Variants in PPARGC1A observed in about 807,000 individuals in gnomAD.
PPARGC1A encodes peroxisome proliferator-activated receptor gamma coactivator 1-alpha.
A neutral mutation model predicts 88.7 loss-of-function variants in PPARGC1A; 25 were observed. The observed-to-expected ratio is 0.28, with a 90% CI of 0.21 to 0.39. The LOEUF (loss-of-function observed/expected upper bound fraction) is 0.39. Among genes scored for constraint, PPARGC1A ranks in the 10% least tolerant of loss-of-function variants. PPARGC1A has a pLI of 1.00. For synonymous variants in PPARGC1A, 363 were observed against 355.6 expected (o/e 1.02, Z -0.24); for missense variants, 880 against 968.7 (o/e 0.91, Z 1.22).
chr4:23,795,839 T>A lies in PPARGC1A; in HGVS notation c.2380A>T (p.Arg794Ter), dbSNP rs2109301794. 1 of 1,611,560 alleles carries A rather than the reference T, an allele frequency of 6.2e-7. No homozygotes were observed. Among genetic ancestry groups the A allele is most frequent in the Admixed American group, 1.7e-5 (1 of 59,492 alleles). Residue 794 changes from arginine to a stop codon, truncating the protein, a stop_gained, in exon 13 of 13, where the codon AGA (arginine) becomes TGA (stop). Coordinates refer to ENST00000264867, the MANE Select transcript of PPARGC1A (RefSeq NM_013261.5). LOFTEE classifies it high-confidence loss of function. ...GGAACATGTTACCTGCGCAAGCTTCTCTGAGCTTCTTTCAGTAAACTATCA... is the reference window on the plus strand; with the variant it reads ...GGAACATGTTACCTGCGCAAGCTTCACTGAGCTTCTTTCAGTAAACTATCA... Reference protein sequence around the residue: ...DFDSLLKEAQRSLRR With the variant: ...DFDSLLKEAQ
chr4:24,466,549 T>G, the PPARGC1A span, among the ~76,000 whole-genome samples: 2 of 152,212 alleles, frequency 1.3e-5, no homozygotes, highest in African/African-American at 4.8e-5. Context: ...CTACCTCATA[T>G]GTTGTTATGG....
chr4:23,862,037 T>C (rs948317754), intron 2 of PPARGC1A, among the ~76,000 whole-genome samples: 12 of 152,304 alleles, frequency 7.9e-5, no homozygotes, highest in African/African-American at 2.4e-4. Context: ...ATCAACCACA[T>C]ACACAGTGAG....
At chr4:23,954,616 T>C in the PPARGC1A span, among the ~76,000 whole-genome samples, 3 of 152,060 alleles carry the variant, frequency 2.0e-5, no homozygotes, top group Non-Finnish European at 4.4e-5. Context: ...GTTTGATTGA[T>C]ATTTGATTAA....
At chr4:24,074,146 A>T in the PPARGC1A span, among the ~76,000 whole-genome samples, 2 of 152,138 alleles carry the variant, frequency 1.3e-5, no homozygotes, top group African/African-American at 4.8e-5. Context: ...AAAGAAATGG[A>T]CTTTGCTCTC....
chr4:23,805,876 AG>A (rs1719714585), intron 10 of PPARGC1A, among the ~76,000 whole-genome samples: 1 of 152,214 alleles, frequency 6.6e-6, no homozygotes, highest in South Asian at 2.1e-4. Flanking sequence ...TATGTATTCA[AG>A]GAAATTTGAA....
intron 3 of PPARGC1A, among the ~76,000 whole-genome samples, chr4:23,830,312 G>A (rs1386178009): frequency 6.6e-6 from 1 of 152,206 alleles, no homozygotes; most frequent in Non-Finnish European, 1.5e-5. Flanking sequence ...CACAGGCAAA[G>A]TATTTGCTGT....
At chr4:24,028,861 T>C in the PPARGC1A span, among the ~76,000 whole-genome samples, 3 of 152,322 alleles carry the variant, frequency 2.0e-5, no homozygotes, top group Admixed American at 6.5e-5. Context: ...ATGACTCTAA[T>C]AATAATAAAA....
the PPARGC1A span, among the ~76,000 whole-genome samples, chr4:24,264,554 G>GC: frequency 6.6e-6 from 1 of 152,218 alleles, no homozygotes; most frequent in African/African-American, 2.4e-5. Context: ...CTCACTAAGT[G>GC]CCCCAAGGCA....
the PPARGC1A span, among the ~76,000 whole-genome samples, chr4:24,342,543 T>C: frequency 9.8e-5 from 15 of 152,296 alleles, no homozygotes; most frequent in African/African-American, 3.1e-4. Context: ...GAGAGAAATA[T>C]GTATCATGGA....
the PPARGC1A span, among the ~76,000 whole-genome samples, chr4:24,168,736 C>G: frequency 6.6e-6 from 1 of 151,718 alleles, no homozygotes; most frequent in Non-Finnish European, 1.5e-5. Context: ...AAAGCCAGAA[C>G]AAGAAAAATA....
the PPARGC1A span, among the ~76,000 whole-genome samples, chr4:24,073,208 A>AT: frequency 6.6e-6 from 1 of 151,714 alleles, no homozygotes; most frequent in Non-Finnish European, 1.5e-5. Context: ...CACCCAACTA[A>AT]TTTTTTTGTA....
intron 12 of PPARGC1A, among the ~76,000 whole-genome samples, chr4:23,798,243 G>A (rs180772065): frequency 2.0e-5 from 3 of 152,148 alleles, no homozygotes; most frequent in Non-Finnish European, 2.9e-5. Flanking sequence ...ACATGGACAC[G>A]CATGAAAATA....
chr4:23,928,974 A>G, the PPARGC1A span, among the ~76,000 whole-genome samples: 1 of 151,910 alleles, frequency 6.6e-6, no homozygotes, highest in African/African-American at 2.4e-5. Flanking sequence ...GGGGCCTGTC[A>G]GGGGATGCGG....
chr4:24,454,997 A>G, the PPARGC1A span, among the ~76,000 whole-genome samples: 2 of 152,206 alleles, frequency 1.3e-5, no homozygotes, highest in African/African-American at 4.8e-5. Flanking sequence ...AGGAAAGTCA[A>G]TTAGGGAGAA....
the PPARGC1A span, among the ~76,000 whole-genome samples, chr4:24,211,101 A>G: frequency 1.8e-4 from 28 of 152,348 alleles, 1 homozygote; most frequent in South Asian, 4.8e-3. Context: ...GGGCACAGGC[A>G]AGAACTTTTT....
the PPARGC1A span, among the ~76,000 whole-genome samples, chr4:23,948,367 A>G: frequency 6.6e-6 from 1 of 152,138 alleles, no homozygotes; most frequent in South Asian, 2.1e-4. Context: ...CAGGAAGACA[A>G]CAAGGCATTT....
At chr4:23,972,121 G>A in the PPARGC1A span, among the ~76,000 whole-genome samples, 2 of 151,994 alleles carry the variant, frequency 1.3e-5, no homozygotes, top group African/African-American at 4.8e-5. Flanking sequence ...CAGGAATAAA[G>A]GCACTGACAT....
At chr4:24,162,172 C>G in the PPARGC1A span, among the ~76,000 whole-genome samples, 1 of 152,052 alleles carries the variant, frequency 6.6e-6, no homozygotes, top group Non-Finnish European at 1.5e-5. Context: ...TATGAGGATG[C>G]AAAGGCCTAA....
chr4:24,289,719 C>A, the PPARGC1A span, among the ~76,000 whole-genome samples: 1 of 152,138 alleles, frequency 6.6e-6, no homozygotes, highest in Non-Finnish European at 1.5e-5. Flanking sequence ...CAGCCAATTC[C>A]TGAGACCTTA....
Sources: allele counts gnomAD v4.1 joint callset (sites outside exome capture counted in the v4.1 genomes callset), GRCh38; gene constraint gnomAD v4.1.1; transcripts MANE v1.5; gene names NCBI Gene and HGNC (gene_info 2026-07-23, HGNC 2026-07-21).